NUP210L: variants seen among roughly 807,000 people sequenced by gnomAD.
The protein encoded by NUP210L is nuclear pore membrane glycoprotein 210-like.
In NUP210L, 74 loss-of-function variants were observed where a neutral mutation model predicts 208.5. The ratio of observed to expected loss-of-function variants is 0.35; its 90% CI spans 0.29 to 0.43. NUP210L has a LOEUF of 0.43. NUP210L is among the 20% of genes least tolerant of loss of function. The pLI, the probability that NUP210L is intolerant of heterozygous loss-of-function variation, is 1.00. For synonymous variants in NUP210L, 780 were observed against 816.9 expected, an observed-to-expected ratio of 0.95 and a Z score of 0.77; for missense variants, 1,843 against 2,289.4, an observed-to-expected ratio of 0.81 and a Z score of 3.98.
chr1:154,075,620 A>G (rs1161615189), intron 16 of NUP210L, among the ~76,000 whole-genome samples: 1 of 152,096 alleles, frequency 6.6e-6, no homozygotes, highest in Non-Finnish European at 1.5e-5. Flanking sequence ...GAGGAGAAGA[A>G]TCTGATTTCA....
intron 28 of NUP210L, 44 bp downstream of exon 28, chr1:154,029,851 CT>C: frequency 6.7e-7 from 1 of 1,492,394 alleles, no homozygotes; most frequent in African/African-American, 1.4e-5. Flanking sequence ...ATATAACTTT[CT>C]TATCCTTAAT....
At chr1:154,115,982 G>A (rs756273753) in intron 12 of NUP210L, among the ~76,000 whole-genome samples, 18 of 151,992 alleles carry the variant, frequency 1.2e-4, no homozygotes, top group Admixed American at 2.0e-4. Flanking sequence ...TAGGCCGGGC[G>A]CGGTGACTCA....
At chr1:154,149,780 G>A (rs911460277) in intron 2 of NUP210L, among the ~76,000 whole-genome samples, 1 of 152,094 alleles carries the variant, frequency 6.6e-6, no homozygotes, top group African/African-American at 2.4e-5. Flanking sequence ...GAATGATTAG[G>A]AGAAATATCA....
At chr1:154,010,218 T>A in intron 34 of NUP210L, 97 bp from the exon 35 acceptor site, 1 of 1,206,528 alleles carries the variant, frequency 8.3e-7, no homozygotes, top group Middle Eastern at 2.0e-4. Context: ...ATAAAAAAAA[T>A]AAGCAAGAAA....
intron 10 of NUP210L, among the ~76,000 whole-genome samples, chr1:154,125,662 G>A (rs1415368378): frequency 5.7e-4 from 1 of 1,764 alleles, no homozygotes; most frequent in African/African-American, 1.4e-3. Context: ...AGGAAGGAAG[G>A]AAGGAAGGAA....
intron 35 of NUP210L, among the ~76,000 whole-genome samples, chr1:154,003,984 T>C (rs1650359984): frequency 6.6e-6 from 1 of 152,114 alleles, no homozygotes; most frequent in South Asian, 2.1e-4. Flanking sequence ...AGACCCTTAC[T>C]AGTCTGGTCC....
At chr1:154,150,391 T>C (rs1432114979) in intron 2 of NUP210L, among the ~76,000 whole-genome samples, 1 of 151,468 alleles carries the variant, frequency 6.6e-6, no homozygotes, top group Non-Finnish European at 1.5e-5. Context: ...GACCACTTTC[T>C]TTACTACACT....
At chr1:154,088,343 G>C (rs921749536) in intron 16 of NUP210L, among the ~76,000 whole-genome samples, 1 of 151,810 alleles carries the variant, frequency 6.6e-6, no homozygotes, top group Non-Finnish European at 1.5e-5. Flanking sequence ...AAAAAAAAAG[G>C]GTGAATATAT....
chr1:154,117,596 T>C (rs949896030), intron 12 of NUP210L, 129 bp downstream of exon 12: 12 of 707,498 alleles, frequency 1.7e-5, no homozygotes, highest in Non-Finnish European at 2.5e-5. Flanking sequence ...AAAAAAAAAG[T>C]ATTTCTTGAC....
At chr1:154,064,639 A>G (rs1654301777) in intron 17 of NUP210L, among the ~76,000 whole-genome samples, 1 of 152,212 alleles carries the variant, frequency 6.6e-6, no homozygotes, top group Non-Finnish European at 1.5e-5. Context: ...GCCTTAGACT[A>G]TAAGTATATG....
intron 10 of NUP210L, among the ~76,000 whole-genome samples, chr1:154,119,109 G>C (rs986706711): frequency 1.3e-5 from 2 of 151,996 alleles, no homozygotes; most frequent in African/African-American, 4.8e-5. Context: ...AATCAACATA[G>C]TAAGGGAAAC....
intron 22 of NUP210L, 83 bp downstream of exon 22, chr1:154,058,006 G>T: frequency 1.4e-6 from 2 of 1,427,250 alleles, no homozygotes; most frequent in Non-Finnish European, 1.9e-6. Flanking sequence ...AATAATCTAA[G>T]GTAAGGGAAA....
intron 36 of NUP210L, 24 bp downstream of exon 36, chr1:154,001,711 G>GT (rs1260268703): frequency 6.2e-7 from 1 of 1,610,136 alleles, no homozygotes; most frequent in Admixed American, 1.7e-5. Flanking sequence ...CTCTTGTTCT[G>GT]TTTTGGTTCA....
chr1:154,149,539 G>A (rs1659283591), intron 2 of NUP210L, among the ~76,000 whole-genome samples: 1 of 151,974 alleles, frequency 6.6e-6, no homozygotes, highest in South Asian at 2.1e-4. Flanking sequence ...CACTACCATA[G>A]TCTTACAAAA....
At chr1:154,025,818 A>G in intron 29 of NUP210L, 102 bp from the exon 30 acceptor site, 1 of 942,800 alleles carries the variant, frequency 1.1e-6, no homozygotes, top group Non-Finnish European at 1.6e-6. Flanking sequence ...TGTACTCGAG[A>G]AAACTGCTTG....
intron 27 of NUP210L, among the ~76,000 whole-genome samples, chr1:154,039,000 T>A (rs552389936): frequency 1.4e-4 from 21 of 152,264 alleles, no homozygotes; most frequent in Non-Finnish European, 2.5e-4. Context: ...TTTTAGTAGG[T>A]TCATCTTTTA....
chr1:154,154,809 G>A (rs1558015716), intron 1 of NUP210L, 33 bp downstream of exon 1: 2 of 1,541,596 alleles, frequency 1.3e-6, no homozygotes, highest in Non-Finnish European at 9.0e-7. Context: ...ATGGTAGTGA[G>A]GGTGCATATC....
At chr1:154,025,334 TTTCTTC>T (rs148066483) in intron 30 of NUP210L, among the ~76,000 whole-genome samples, 2 of 146,928 alleles carry the variant, frequency 1.4e-5, no homozygotes, top group African/African-American at 2.5e-5. Flanking sequence ...TCCCAGAGAG[TTTCTTC>T]TTCTTCTTCT....
At chr1:153,997,575 T>C (rs1349509511) in intron 37 of NUP210L, among the ~76,000 whole-genome samples, 1 of 149,344 alleles carries the variant, frequency 6.7e-6, no homozygotes, top group African/African-American at 2.5e-5. Flanking sequence ...CAAGCGATCC[T>C]CCCACTTCAG....
Sources: allele counts gnomAD v4.1 joint callset (sites outside exome capture counted in the v4.1 genomes callset), GRCh38; gene constraint gnomAD v4.1.1; transcripts MANE v1.5; gene names NCBI Gene and HGNC (gene_info 2026-07-23, HGNC 2026-07-21).